The following DRC8 variants were observed in gnomAD, a reference collection of about 807,000 sequenced individuals.
DRC8 encodes dynein regulatory complex subunit 8.
At chr1:245,049,126 A>C in the DRC8 span, among the ~76,000 whole-genome samples, 75 of 152,204 alleles carry the variant, frequency 4.9e-4, no homozygotes, top group Non-Finnish European at 1.0e-3. This position sits in a 1 kb window ranked among gnomAD's most constrained non-coding sequence, Gnocchi z 4.5. Flanking sequence ...CTGGACTTAC[A>C]GGTGTGTACC....
At chr1:245,018,775 G>A in the DRC8 span, among the ~76,000 whole-genome samples, 1 of 152,210 alleles carries the variant, frequency 6.6e-6, no homozygotes, top group South Asian at 2.1e-4. Flanking sequence ...ACTACGTGTA[G>A]TTGGGTGCCA....
At chr1:245,036,168 T>TA in the DRC8 span, among the ~76,000 whole-genome samples, 1 of 152,126 alleles carries the variant, frequency 6.6e-6, no homozygotes, top group South Asian at 2.1e-4. Flanking sequence ...CTGTAATATA[T>TA]AAAAAACTGA....
At chr1:244,997,965 C>T in the DRC8 span, among the ~76,000 whole-genome samples, 7 of 47,744 alleles carry the variant, frequency 1.5e-4, no homozygotes, top group Admixed American at 2.1e-4. Context: ...GTTTTCTGTC[C>T]ATCTCTTCCA....
chr1:245,005,946 A>T, the DRC8 span, among the ~76,000 whole-genome samples: 1 of 152,036 alleles, frequency 6.6e-6, no homozygotes, highest in Non-Finnish European at 1.5e-5. Context: ...TATTCCAGGC[A>T]GGAGTGTCCA....
the DRC8 span, chr1:245,124,874 A>T: frequency 1.3e-5 from 2 of 151,422 alleles, no homozygotes; most frequent in Non-Finnish European, 2.9e-5. Context: ...ACCCTTAAAA[A>T]CCCCAGCCCC....
the DRC8 span, among the ~76,000 whole-genome samples, chr1:244,975,222 G>T: frequency 6.6e-6 from 1 of 152,036 alleles, no homozygotes; most frequent in Non-Finnish European, 1.5e-5. Context: ...GAGCCACCAC[G>T]CCTGGCTCGA....
the DRC8 span, among the ~76,000 whole-genome samples, chr1:245,039,351 A>ATGCCT: frequency 0.36 from 44,884 of 124,930 alleles, 8,780 homozygotes; most frequent in African/African-American, 0.46. Flanking sequence ...GTGGTGGCAC[A>ATGCCT]GTGCTTCCAG....
chr1:245,069,418 C>G, the DRC8 span, among the ~76,000 whole-genome samples: 1 of 151,916 alleles, frequency 6.6e-6, no homozygotes, highest in East Asian at 1.9e-4. Flanking sequence ...CTGGGGAGGA[C>G]GAGGAGAGGA....
the DRC8 span, among the ~76,000 whole-genome samples, chr1:245,112,223 C>T: frequency 0.027 from 4,077 of 152,160 alleles, 191 homozygotes; most frequent in African/African-American, 0.093. Context: ...TACAGGCGCA[C>T]GCCACCACAC....
At chr1:245,018,292 A>G in the DRC8 span, among the ~76,000 whole-genome samples, 2 of 151,626 alleles carry the variant, frequency 1.3e-5, no homozygotes, top group South Asian at 4.2e-4. Flanking sequence ...AATGAGGGTT[A>G]TTTGATGAGA....
chr1:244,970,840 G>C, the DRC8 span: 2 of 300,918 alleles, frequency 6.6e-6, no homozygotes, highest in Non-Finnish European at 1.2e-5. Context: ...CGGAGGCGCC[G>C]GCAGGGGGTG....
chr1:244,985,034 T>C, the DRC8 span, among the ~76,000 whole-genome samples: 2 of 151,758 alleles, frequency 1.3e-5, no homozygotes, highest in Non-Finnish European at 2.9e-5. Flanking sequence ...TAGGATAGTC[T>C]GAATTCTAAC....
At chr1:245,092,178 T>G in the DRC8 span, among the ~76,000 whole-genome samples, 1 of 152,202 alleles carries the variant, frequency 6.6e-6, no homozygotes, top group African/African-American at 2.4e-5. Context: ...GCTCTAGTCC[T>G]TCTCCCTCCT....
chr1:245,041,893 G>A, the DRC8 span, among the ~76,000 whole-genome samples: 8 of 152,262 alleles, frequency 5.3e-5, no homozygotes, highest in East Asian at 1.9e-4. Flanking sequence ...AGAAGCAGCC[G>A]ACCTGCTGAC....
chr1:245,039,466 C>T, the DRC8 span, among the ~76,000 whole-genome samples: 1 of 141,784 alleles, frequency 7.1e-6, no homozygotes, highest in Non-Finnish European at 1.5e-5. Context: ...GAGTGAGACG[C>T]TGCCTCTTAA....
At chr1:245,004,970 C>T in the DRC8 span, among the ~76,000 whole-genome samples, 12 of 152,072 alleles carry the variant, frequency 7.9e-5, no homozygotes, top group African/African-American at 2.2e-4. Context: ...CCTAGTTTTC[C>T]GAGTGTTTTT....
the DRC8 span, among the ~76,000 whole-genome samples, chr1:245,082,984 C>T: frequency 6.6e-6 from 1 of 152,156 alleles, no homozygotes; most frequent in Non-Finnish European, 1.5e-5. Flanking sequence ...GCTGGGATTA[C>T]AGGCATGAGC....
At chr1:245,061,196 A>G in the DRC8 span, among the ~76,000 whole-genome samples, 1 of 152,230 alleles carries the variant, frequency 6.6e-6, no homozygotes, top group African/African-American at 2.4e-5. Flanking sequence ...CACATCTGCA[A>G]AAGGAGTATA....
At chr1:245,078,149 C>CT in the DRC8 span, among the ~76,000 whole-genome samples, 1 of 152,134 alleles carries the variant, frequency 6.6e-6, no homozygotes. Flanking sequence ...AATGGGATGT[C>CT]ACCTCACCCC....
Sources: gnomAD v4.1 joint callset for allele counts (sites outside exome capture counted in the v4.1 genomes callset) on GRCh38, gnomAD v4.1.1 for gene constraint, Gnocchi (gnomAD v3.1) non-coding constraint, MANE v1.5 for transcripts, NCBI Gene and HGNC (gene_info 2026-07-23, HGNC 2026-07-21) for gene names.